The following ROBO2 variants were observed in gnomAD, a reference collection of about 807,000 sequenced individuals.
ROBO2 encodes the protein roundabout homolog 2.
A neutral mutation model predicts 160.8 loss-of-function variants in ROBO2; 53 were observed. The observed-to-expected ratio is 0.33, with a 90% CI of 0.26 to 0.41. ROBO2 has a LOEUF of 0.41. ROBO2 is among the 10% of genes least tolerant of loss of function. The pLI is 1.00. For missense variants in ROBO2, 1,577 were observed against 1,722.4 expected (o/e 0.92, Z 1.49); for synonymous variants, 664 against 611.7 (o/e 1.09, Z -1.26).
chr3:76,205,382 C>T (rs1398454536), intron 2 of ROBO2, among the ~76,000 whole-genome samples: 2 of 152,024 alleles, frequency 1.3e-5, no homozygotes, highest in Non-Finnish European at 2.9e-5. Flanking sequence ...AGAGAAAAGT[C>T]AGTGGGCAAG....
At chr3:77,635,119 A>C (rs1031221777) in intron 24 of ROBO2, 76 bp downstream of exon 25, 108 of 1,507,366 alleles carry the variant, frequency 7.2e-5, no homozygotes, top group Non-Finnish European at 8.9e-5. Context: ...AGATTAATGT[A>C]GTCATGGTAG....
intron 2 of ROBO2, among the ~76,000 whole-genome samples, chr3:77,191,176 A>T (rs191381966): frequency 6.6e-6 from 1 of 152,138 alleles, no homozygotes; most frequent in Non-Finnish European, 1.5e-5. Flanking sequence ...TACTAGCTAC[A>T]TGTATTAATG....
chr3:77,152,579 A>G (rs1486142497), intron 2 of ROBO2, among the ~76,000 whole-genome samples: 1 of 152,202 alleles, frequency 6.6e-6, no homozygotes, highest in Admixed American at 6.5e-5. Context: ...ACCTGTGAGT[A>G]TGTTCGTTGT....
intron 2 of ROBO2, among the ~76,000 whole-genome samples, chr3:77,261,768 AT>A (rs10710219): frequency 0.25 from 33,681 of 135,410 alleles, 4,157 homozygotes; most frequent in East Asian, 0.58. Flanking sequence ...TTCTGATTTC[AT>A]TTTTTTTTTT....
intron 2 of ROBO2, among the ~76,000 whole-genome samples, chr3:76,692,358 ACT>A (rs1445400481): frequency 1.3e-5 from 2 of 151,746 alleles, no homozygotes; most frequent in Non-Finnish European, 2.9e-5. Flanking sequence ...CAAGTATGAA[ACT>A]CCCCAGTGCT....
upstream of ROBO2, among the ~76,000 whole-genome samples, chr3:77,038,205 C>T (rs2063749758): frequency 6.6e-6 from 1 of 152,168 alleles, no homozygotes; most frequent in South Asian, 2.1e-4. Flanking sequence ...AAAACAATAG[C>T]ACATTCAGAA....
In ROBO2 at chr3:77,580,184, G is replaced by T. The variant is rs547421565; in HGVS notation, c.2500+66G>T. 3 of 1,435,238 alleles carry T rather than the reference G, an allele frequency of 2.1e-6. No individual in the cohort carries two copies. The East Asian group carries it at 6.8e-5, about 33-fold the overall frequency. The allele number at this position is 1,435,238 out of a possible 1,614,324, so 88.9% of individuals were successfully genotyped here. A position where few individuals can be genotyped will look rare whatever the true frequency, so the allele number is the denominator to read the frequency against. On this transcript the variant is annotated intron_variant, in intron 16 of 25. Transcript: ENST00000461745. ...AGCTGACAAGGTGGATGATGATTTT[G>T]CATCAACCTACTAATAGTGAATATA...
intron 2 of ROBO2, among the ~76,000 whole-genome samples, chr3:76,034,777 A>G (rs904191567): frequency 6.6e-6 from 1 of 152,024 alleles, no homozygotes; most frequent in African/African-American, 2.4e-5. Flanking sequence ...TTCGTGTGAC[A>G]TTTATGAGCC....
At chr3:77,218,681 A>G (rs1230729892) in intron 2 of ROBO2, among the ~76,000 whole-genome samples, 1 of 152,102 alleles carries the variant, frequency 6.6e-6, no homozygotes, top group African/African-American at 2.4e-5. Flanking sequence ...CTGAAATTAT[A>G]CTTTCCTGTA....
At chr3:76,121,057 A>T (rs2070733770) in intron 2 of ROBO2, among the ~76,000 whole-genome samples, 1 of 152,142 alleles carries the variant, frequency 6.6e-6, no homozygotes, top group Non-Finnish European at 1.5e-5. Flanking sequence ...GGAACATTTT[A>T]TTATTAGACA....
At chr3:77,384,704 T>C (rs894785817) in intron 2 of ROBO2, among the ~76,000 whole-genome samples, 1 of 152,210 alleles carries the variant, frequency 6.6e-6, no homozygotes, top group African/African-American at 2.4e-5. Flanking sequence ...GATATAGACC[T>C]TTTTAAAACT....
intron 2 of ROBO2, among the ~76,000 whole-genome samples, chr3:76,363,453 C>T (rs1035031989): frequency 2.0e-5 from 3 of 152,032 alleles, no homozygotes; most frequent in Non-Finnish European, 2.9e-5. Context: ...TAAAGGATAT[C>T]GTAACAGAAT....
chr3:77,482,817 A>C (rs1015783384), intron 4 of ROBO2, among the ~76,000 whole-genome samples: 1 of 151,868 alleles, frequency 6.6e-6, no homozygotes, highest in Non-Finnish European at 1.5e-5. Flanking sequence ...TTAAAGAAAC[A>C]CTCATTGCTA....
chr3:77,302,662 G>C (rs747051778), intron 2 of ROBO2, among the ~76,000 whole-genome samples: 1 of 152,116 alleles, frequency 6.6e-6, no homozygotes, highest in Non-Finnish European at 1.5e-5. Flanking sequence ...ATTATTATAA[G>C]AGGTTTTAAA....
intron 2 of ROBO2, among the ~76,000 whole-genome samples, chr3:75,969,785 A>G (rs1291275592): frequency 6.6e-6 from 1 of 151,556 alleles, no homozygotes; most frequent in Non-Finnish European, 1.5e-5. Context: ...CATTTCACAT[A>G]TCAACCCCTA....
chr3:77,007,862 A>G (rs1388026629), intron 2 of ROBO2, among the ~76,000 whole-genome samples: 1 of 152,016 alleles, frequency 6.6e-6, no homozygotes, highest in Non-Finnish European at 1.5e-5. Flanking sequence ...TCATTATCCA[A>G]ATGGACTTTT....
At chr3:77,170,447 A>G (rs2079528548) in intron 2 of ROBO2, among the ~76,000 whole-genome samples, 1 of 152,166 alleles carries the variant, frequency 6.6e-6, no homozygotes, top group Admixed American at 6.5e-5. Context: ...AAGAATTCTT[A>G]AGAATCTGTA....
chr3:76,633,567 A>G (rs2090150762), intron 2 of ROBO2, among the ~76,000 whole-genome samples: 1 of 152,228 alleles, frequency 6.6e-6, no homozygotes. Flanking sequence ...CTTTGTTGAA[A>G]ACACCAACCA....
rs2065249029 is a variant in ROBO2 at position 75,980,667 on chromosome 3, A to G, written c.109+43065A>G. Reference sequence around the variant, plus strand: ...AAGCATCTAAACAGTGATAATTTAGAAGACTCAAAGCATTGCTACTCACTT... The same window carrying G: ...AAGCATCTAAACAGTGATAATTTAGGAGACTCAAAGCATTGCTACTCACTT... On this transcript the variant is annotated intron_variant, in intron 2 of 26. Coordinates refer to the ROBO2 transcript ENST00000487694. 1.3e-5 allele frequency among the ~76,000 whole-genome samples: 2 copies of G among 151,676 alleles called. 1 individual carries two copies. Among genetic ancestry groups the G allele is most frequent in the South Asian group, 4.1e-4 (2 of 4,830 alleles).
Sources: allele counts gnomAD v4.1 joint callset (sites outside exome capture counted in the v4.1 genomes callset), GRCh38; gene constraint gnomAD v4.1.1; transcripts MANE v1.5; gene names NCBI Gene and HGNC (gene_info 2026-07-23, HGNC 2026-07-21).